Variants in GRK4 observed in about 807,000 individuals in gnomAD.
The protein encoded by GRK4 is G protein-coupled receptor kinase 4.
Under a neutral mutation model 77.9 loss-of-function variants are expected in GRK4, and 73 were observed. The observed-to-expected ratio is 0.94, with a 90% CI of 0.78 to 1.14. GRK4 has a LOEUF of 1.14. Ranked by LOEUF, GRK4 falls within the 50% of genes most tolerant of loss-of-function variation. GRK4 has a pLI of 0.00. For synonymous variants in GRK4, 257 were observed against 254.4 expected (o/e 1.01, Z -0.10); for missense variants, 729 against 700.2 (o/e 1.04, Z -0.46).
chr4:2,981,980 G>C (rs1422676118), intron 1 of GRK4, among the ~76,000 whole-genome samples: 2 of 152,270 alleles, frequency 1.3e-5, no homozygotes. Flanking sequence ...CACACACCTG[G>C]CTGGGTTGTG....
intron 7 of GRK4, among the ~76,000 whole-genome samples, chr4:3,012,335 C>T (rs954638891): frequency 6.6e-6 from 1 of 152,028 alleles, no homozygotes; most frequent in African/African-American, 2.4e-5. Context: ...TTTTACAATA[C>T]GAGACCAGTT....
chr4:3,036,222 ACT>A (rs1740601177), intron 13 of GRK4, among the ~76,000 whole-genome samples: 1 of 151,842 alleles, frequency 6.6e-6, no homozygotes, highest in Non-Finnish European at 1.5e-5. Context: ...GCGTGTCCCC[ACT>A]CTGCTTCTCA....
At chr4:2,972,181 A>T (rs1719757796) in intron 1 of GRK4, among the ~76,000 whole-genome samples, 1 of 152,112 alleles carries the variant, frequency 6.6e-6, no homozygotes, top group Admixed American at 6.5e-5. Context: ...CAAAAACTTA[A>T]GAGGAATCCT....
intron 10 of GRK4, among the ~76,000 whole-genome samples, chr4:3,024,163 G>A (rs1381333765): frequency 6.6e-6 from 1 of 152,176 alleles, no homozygotes; most frequent in African/African-American, 2.4e-5. Context: ...GCACTCCCGG[G>A]TGGGATGCCA....
intron 4 of GRK4, among the ~76,000 whole-genome samples, chr4:2,994,930 C>G (rs1179634193): frequency 1.3e-5 from 2 of 152,108 alleles, no homozygotes; most frequent in Non-Finnish European, 2.9e-5. Flanking sequence ...TGCTCCTTCC[C>G]CACATCCCCC....
At chr4:3,019,521 G>T in intron 8 of GRK4, 120 bp from the exon 9 acceptor site, 1 of 842,280 alleles carries the variant, frequency 1.2e-6, no homozygotes, top group Admixed American at 2.5e-5. Context: ...GAAACATATA[G>T]TATTCACATG....
At position 3,040,592 on chromosome 4, in the gene GRK4, C is replaced by T; in HGVS notation, c.1704C>T (p.Pro568=). The part of the protein sequence containing the change: ...FRRGGCLTMV[P]SEKEVEPKQC The stretch of plus-strand genomic sequence containing the variant: ...TGTAGGGCTGCCTGACCATGGTCCC[C>T]AGTGAGAAGGAAGTGGAACCCAAGC... The change falls in exon 16 of 16, where the codon CCC becomes CCT. Residue 568 remains proline (P), a synonymous_variant. Coordinates refer to ENST00000398052, the MANE Select transcript of GRK4 (RefSeq NM_182982.3). The T allele has an allele frequency of 2.5e-6, 4 of 1,611,104 alleles. No homozygotes were observed. The highest frequency in any genetic ancestry group is 3.4e-6 in the Non-Finnish European group (4 of 1,178,922).
chr4:3,013,562 C>G, intron 7 of GRK4, 126 bp from the exon 8 acceptor site: 1 of 1,124,246 alleles, frequency 8.9e-7, no homozygotes, highest in Non-Finnish European at 1.3e-6. Flanking sequence ...TTGAAACGGT[C>G]TCGGCTCCTC....
At chr4:3,000,820 AGCCTCCCAAAGTGCTGGGATTACAGGC>A (rs1729328770) in intron 4 of GRK4, among the ~76,000 whole-genome samples, 1 of 151,856 alleles carries the variant, frequency 6.6e-6, no homozygotes, top group Non-Finnish European at 1.5e-5. Context: ...TGCCCACCTC[AGCCTCCCAAAGTGCTGGGATTACAGGC>A]GTGAGCCACG....
At chr4:2,996,705 T>C (rs1277668779) in intron 4 of GRK4, among the ~76,000 whole-genome samples, 1 of 151,958 alleles carries the variant, frequency 6.6e-6, no homozygotes, top group Non-Finnish European at 1.5e-5. Flanking sequence ...CTGGAGATGA[T>C]GTAGCTGGAA....
At chr4:2,992,372 G>A (rs557879482) in intron 4 of GRK4, 80 bp downstream of exon 4, 41 of 939,542 alleles carry the variant, frequency 4.4e-5, no homozygotes, top group East Asian at 1.8e-4. Context: ...TAGATAAGAC[G>A]TAACATATGT....
At position 3,036,408 on chromosome 4, in the gene GRK4, C is replaced by G. The variant is rs151185758; in HGVS notation, c.1407+885C>G. Among the ~76,000 whole-genome samples the G allele has an allele frequency of 5.0e-3, 758 of 152,380 alleles. 4 individuals carry two copies. The highest frequency in any genetic ancestry group is 8.5e-3 in the Non-Finnish European group (578 of 68,044). The stretch of plus-strand genomic sequence containing the variant: ...GGTATGAATGAGTGAAGAGCAGCTA[C>G]TCTAACAGCTGTGCTGACCGTGGCC... On this transcript the variant is annotated intron_variant, in intron 13 of 15. Coordinates refer to ENST00000398052, the MANE Select transcript of GRK4 (RefSeq NM_182982.3).
In GRK4 at chr4:2,964,327, C is replaced by T. The variant is rs571846269; in HGVS notation, c.52+205C>T. Among the ~76,000 whole-genome samples, 73 of 152,272 alleles carry T rather than the reference C, an allele frequency of 4.8e-4. 1 individual carries two copies. The South Asian group carries it at 0.015, about 31-fold the overall frequency. On this transcript the variant is annotated intron_variant, in intron 1 of 15. Coordinates refer to ENST00000398052, the MANE Select transcript of GRK4 (RefSeq NM_182982.3). ...TGGTCAGGCTGCCCGGGCCAGGTCC[C>T]AGTCCCCATCTCCTGGCCCAGATGA...
chr4:3,012,032 G>A (rs777351163), intron 7 of GRK4, among the ~76,000 whole-genome samples: 56 of 152,162 alleles, frequency 3.7e-4, no homozygotes, highest in Non-Finnish European at 6.9e-4. Flanking sequence ...GGAAATAATC[G>A]GCCCTGCCCG....
At chr4:2,989,822 G>T (rs1009157375) in intron 3 of GRK4, among the ~76,000 whole-genome samples, 1 of 152,200 alleles carries the variant, frequency 6.6e-6, no homozygotes, top group Non-Finnish European at 1.5e-5. Context: ...TATAGGTAAA[G>T]AAACTTTATG....
At chr4:2,974,600 T>G (rs1720543794) in intron 1 of GRK4, among the ~76,000 whole-genome samples, 1 of 152,222 alleles carries the variant, frequency 6.6e-6, no homozygotes, top group Non-Finnish European at 1.5e-5. Context: ...AGGAAAGTAC[T>G]TAGCTCAGGT....
At chr4:2,973,414 C>T (rs1195448159) in intron 1 of GRK4, among the ~76,000 whole-genome samples, 1 of 152,192 alleles carries the variant, frequency 6.6e-6, no homozygotes, top group African/African-American at 2.4e-5. Context: ...CGCCTGCAGG[C>T]TGGGCCTCTC....
intron 1 of GRK4, chr4:2,965,858 G>T (rs1199489684): frequency 4.4e-6 from 1 of 225,904 alleles, no homozygotes; most frequent in East Asian, 1.1e-4. Flanking sequence ...ATTTGACTGT[G>T]CCTCTTATCC....
chr4:2,987,122 C>A, intron 2 of GRK4: 3 of 518,498 alleles, frequency 5.8e-6, no homozygotes, highest in Non-Finnish European at 1.2e-5. Flanking sequence ...CTCCTTCCTG[C>A]CCGCTACCTC....
Sources: allele counts gnomAD v4.1 joint callset (sites outside exome capture counted in the v4.1 genomes callset), GRCh38; gene constraint gnomAD v4.1.1; transcripts MANE v1.5; gene names NCBI Gene and HGNC (gene_info 2026-07-23, HGNC 2026-07-21).